Variants in LRRC4C observed in about 807,000 individuals in gnomAD.
LRRC4C encodes leucine-rich repeat-containing protein 4C.
LRRC4C carries 5 observed loss-of-function variants against 33.6 expected under a neutral mutation model. The observed-to-expected ratio is 0.15, with a 90% CI of 0.08 to 0.31. LRRC4C has a LOEUF of 0.31. Ranked by LOEUF, LRRC4C falls within the 10% of genes least tolerant of loss-of-function variation. LRRC4C has a pLI of 1.00. For missense variants in LRRC4C, 560 were observed against 796.7 expected (o/e 0.70, Z 3.58); for synonymous variants, 329 against 302.0 (o/e 1.09, Z -0.93).
chr11:41,203,933 T>C (rs1946497274), intron 1 of LRRC4C, among the ~76,000 whole-genome samples: 2 of 152,180 alleles, frequency 1.3e-5, no homozygotes, highest in Non-Finnish European at 2.9e-5. Context: ...AAGTAGAAGG[T>C]ATTTCACCAG....
intron 1 of LRRC4C, among the ~76,000 whole-genome samples, chr11:41,115,435 A>G (rs1035827008): frequency 9.9e-5 from 15 of 151,578 alleles, no homozygotes; most frequent in Non-Finnish European, 1.5e-5. Context: ...CTTATTTAGC[A>G]GTAAAATGGA....
chr11:40,283,638 C>T (rs932614585), intron 4 of LRRC4C, among the ~76,000 whole-genome samples: 1 of 149,514 alleles, frequency 6.7e-6, no homozygotes, highest in African/African-American at 2.5e-5. Flanking sequence ...AATCTCTATG[C>T]ACTATGTTAG....
intron 2 of LRRC4C, among the ~76,000 whole-genome samples, chr11:40,799,816 C>T (rs1672667989): frequency 6.6e-6 from 1 of 152,156 alleles, no homozygotes; most frequent in Non-Finnish European, 1.5e-5. Context: ...ACAATAACTT[C>T]TCTGATCTCA....
At chr11:41,425,419 TC>T (rs1006091625) in intron 1 of LRRC4C, among the ~76,000 whole-genome samples, 4 of 152,116 alleles carry the variant, frequency 2.6e-5, no homozygotes, top group Non-Finnish European at 5.9e-5. Flanking sequence ...GAATTACCGT[TC>T]TGGGCCTTGT....
At chr11:40,520,527 G>A (rs187706368) in intron 3 of LRRC4C, among the ~76,000 whole-genome samples, 3 of 152,226 alleles carry the variant, frequency 2.0e-5, no homozygotes, top group South Asian at 4.1e-4. Flanking sequence ...CAACTGTTTG[G>A]TGGGGCAATT....
At chr11:41,021,202 A>AGT (rs1565308654) in intron 1 of LRRC4C, among the ~76,000 whole-genome samples, 2 of 47,614 alleles carry the variant, frequency 4.2e-5, no homozygotes, top group African/African-American at 1.0e-4. Context: ...AGAGAGAGAG[A>AGT]GAGAGAGAGA....
At chr11:40,405,481 A>T (rs565965152) in intron 3 of LRRC4C, among the ~76,000 whole-genome samples, 9 of 151,586 alleles carry the variant, frequency 5.9e-5, no homozygotes, top group Admixed American at 3.3e-4. Context: ...ACTAAAAAAT[A>T]TAAAAATTAG....
chr11:41,142,629 G>GACTA (rs1943557859), intron 1 of LRRC4C, among the ~76,000 whole-genome samples: 3 of 152,080 alleles, frequency 2.0e-5, no homozygotes, highest in Admixed American at 2.0e-4. Flanking sequence ...TACTCATACA[G>GACTA]ACTAATTGCA....
chr11:40,714,689 A>C (rs955073075), intron 2 of LRRC4C, among the ~76,000 whole-genome samples: 2 of 152,174 alleles, frequency 1.3e-5, no homozygotes, highest in Admixed American at 6.5e-5. Flanking sequence ...TTATTATAAA[A>C]AATAGTGAAT....
At chr11:40,594,882 C>T (rs1959195689) in intron 3 of LRRC4C, among the ~76,000 whole-genome samples, 1 of 152,036 alleles carries the variant, frequency 6.6e-6, no homozygotes, top group Non-Finnish European at 1.5e-5. Context: ...TATAACTGAG[C>T]TTCCCAGAAA....
At chr11:40,230,684 A>T (rs1265562365) in intron 5 of LRRC4C, among the ~76,000 whole-genome samples, 8 of 152,224 alleles carry the variant, frequency 5.3e-5, no homozygotes, top group Admixed American at 5.2e-4. Flanking sequence ...TCCGATGGAA[A>T]TAGGAATCTG....
At chr11:40,913,947 G>A (rs1456742260) in intron 2 of LRRC4C, among the ~76,000 whole-genome samples, 2 of 152,140 alleles carry the variant, frequency 1.3e-5, no homozygotes, top group South Asian at 2.1e-4. Flanking sequence ...GGAAAATCTA[G>A]AAGAAATGGA....
intron 3 of LRRC4C, among the ~76,000 whole-genome samples, chr11:40,547,394 A>C (rs905209112): frequency 2.0e-5 from 3 of 152,090 alleles, no homozygotes; most frequent in Admixed American, 6.6e-5. Flanking sequence ...TCCTATTGCT[A>C]AGTGAATCCA....
chr11:40,184,818 T>C (rs1861281489), intron 5 of LRRC4C, among the ~76,000 whole-genome samples: 1 of 152,202 alleles, frequency 6.6e-6, no homozygotes, highest in Admixed American at 6.5e-5. Context: ...ATAAAGAGAC[T>C]GTCCACCTTC....
chr11:40,923,244 G>C (rs1319856986), intron 2 of LRRC4C, among the ~76,000 whole-genome samples: 1 of 152,154 alleles, frequency 6.6e-6, no homozygotes. Context: ...AACAATCAAC[G>C]TGAGAAAAAT....
intron 1 of LRRC4C, among the ~76,000 whole-genome samples, chr11:41,110,819 A>G (rs779540936): frequency 1.8e-4 from 27 of 152,116 alleles, no homozygotes; most frequent in Admixed American, 3.3e-4. Flanking sequence ...ACTTTTTTCA[A>G]ATTCAAATTC....
At chr11:40,849,488 C>T (rs1299133514) in intron 2 of LRRC4C, among the ~76,000 whole-genome samples, 4 of 152,166 alleles carry the variant, frequency 2.6e-5, no homozygotes, top group Admixed American at 2.0e-4. Flanking sequence ...TTCTGGCTTG[C>T]AGGGTTTCTG....
At chr11:40,931,279 C>A (rs1307255798) in intron 2 of LRRC4C, among the ~76,000 whole-genome samples, 2 of 152,110 alleles carry the variant, frequency 1.3e-5, no homozygotes, top group Non-Finnish European at 2.9e-5. Context: ...TTAGGGTTTT[C>A]TTCCTTCTAT....
At chr11:41,304,010 C>A (rs1293730019) in intron 1 of LRRC4C, among the ~76,000 whole-genome samples, 1 of 79,204 alleles carries the variant, frequency 1.3e-5, no homozygotes, top group African/African-American at 3.4e-5. Flanking sequence ...GGGGTCAGCC[C>A]CCCGCCCGGC....
Sources: allele counts gnomAD v4.1 joint callset (sites outside exome capture counted in the v4.1 genomes callset), GRCh38; gene constraint gnomAD v4.1.1; transcripts MANE v1.5; gene names NCBI Gene and HGNC (gene_info 2026-07-23, HGNC 2026-07-21).